ELP2: variants seen among roughly 807,000 people sequenced by gnomAD.
ELP2 encodes the protein elongator complex protein 2.
Under a neutral mutation model 119.2 loss-of-function variants are expected in ELP2, and 90 were observed. That is an observed-to-expected ratio of 0.75 (90% CI 0.64 to 0.90). The LOEUF (loss-of-function observed/expected upper bound fraction) is 0.90. Among genes scored for constraint, ELP2 ranks in the 40% least tolerant of loss-of-function variants. ELP2 has a pLI of 0.00. For missense variants in ELP2, 921 were observed against 967.8 expected, an observed-to-expected ratio of 0.95 and a Z score of 0.64; for synonymous variants, 339 against 331.0, an observed-to-expected ratio of 1.02 and a Z score of -0.26.
At chr18:36,153,336 C>T (rs1380702889) in intron 11 of ELP2, among the ~76,000 whole-genome samples, 1 of 152,156 alleles carries the variant, frequency 6.6e-6, no homozygotes, top group African/African-American at 2.4e-5. Context: ...TTCCTCATTC[C>T]CCACCCTTTT....
intron 3 of ELP2, chr18:36,137,990 C>G (rs530045127): frequency 5.3e-6 from 2 of 378,844 alleles, no homozygotes; most frequent in South Asian, 4.9e-5. Flanking sequence ...TAATGAAAAT[C>G]ACACTAATCC....
intron 21 of ELP2, among the ~76,000 whole-genome samples, chr18:36,172,258 GT>G (rs1039350943): frequency 2.6e-5 from 4 of 152,030 alleles, no homozygotes; most frequent in African/African-American, 9.7e-5. Context: ...GTGAGAGCCT[GT>G]CCCCCCCAAA....
At chr18:36,165,647 C>T (rs908479555) in intron 18 of ELP2, among the ~76,000 whole-genome samples, 11 of 152,198 alleles carry the variant, frequency 7.2e-5, no homozygotes, top group African/African-American at 1.7e-4. Flanking sequence ...TTTGGGAGGC[C>T]GAGGTGGGCG....
chr18:36,146,204 AC>A, intron 10 of ELP2, 45 bp from the exon 11 acceptor site: 1 of 1,612,486 alleles, frequency 6.2e-7, no homozygotes, highest in Non-Finnish European at 8.5e-7. Flanking sequence ...GTTGTGAGAA[AC>A]ATAGACTATT....
At chr18:36,130,242 A>G (rs2089555571) in intron 1 of ELP2, among the ~76,000 whole-genome samples, 171 bp downstream of exon 1, 1 of 151,808 alleles carries the variant, frequency 6.6e-6, no homozygotes, top group South Asian at 2.1e-4. Flanking sequence ...CTCGCTCCTC[A>G]CCCCTCACCC....
intron 18 of ELP2, 71 bp from the exon 19 acceptor site, chr18:36,167,030 A>C: frequency 6.7e-7 from 1 of 1,499,108 alleles, no homozygotes; most frequent in South Asian, 1.4e-5. Context: ...ATGGCACTTA[A>C]ACATCACTTC....
intron 5 of ELP2, chr18:36,139,898 T>C (rs117161440): frequency 0.053 from 9,140 of 171,956 alleles, 316 homozygotes; most frequent in East Asian, 0.1. Flanking sequence ...TCACTCAGGC[T>C]GGAGTGCAGT....
chr18:36,141,326 C>A, intron 6 of ELP2, 125 bp downstream of exon 6: 1 of 800,266 alleles, frequency 1.2e-6, no homozygotes, highest in Admixed American at 2.0e-5. Flanking sequence ...CCAATAGAAT[C>A]TTTTTTTGAC....
intron 8 of ELP2, 124 bp from the exon 9 acceptor site, chr18:36,144,815 A>G: frequency 1.4e-6 from 1 of 735,414 alleles, no homozygotes; most frequent in South Asian, 1.6e-5. Flanking sequence ...CTTTTTTTGA[A>G]TCCCAACTAT....
chr18:36,174,737 G>GT lies in ELP2; in HGVS notation c.*96_*97insT. On this transcript the variant is annotated 3_prime_UTR_variant, in exon 22 of 22. Transcript: ENST00000358232. ...CCTTCATAACTGAATTGAGTTTCTG[G>GT]GTTTTTTTTTTTTTTGAGATGGAGT... is the stretch of plus-strand genomic sequence containing the variant. 2 of 1,287,838 alleles carry GT rather than the reference G, an allele frequency of 1.6e-6. No homozygotes were observed. The highest frequency in any genetic ancestry group is 2.2e-6 in the Non-Finnish European group (2 of 928,538). The allele number at this position is 1,287,838 out of a possible 1,614,324, so 79.8% of individuals were successfully genotyped here. A position where few individuals can be genotyped will look rare whatever the true frequency, so the allele number is the denominator to read the frequency against.
At chr18:36,141,499 A>G in intron 6 of ELP2, 2 of 386,994 alleles carry the variant, frequency 5.2e-6, no homozygotes, top group South Asian at 4.7e-5. Context: ...GAGATATAAC[A>G]TACCTACAGT....
chr18:36,132,392 A>G (rs2089667138), intron 1 of ELP2, among the ~76,000 whole-genome samples: 1 of 152,142 alleles, frequency 6.6e-6, no homozygotes, highest in African/African-American at 2.4e-5. Flanking sequence ...AAGTACAGTA[A>G]ATTGTTTTCC....
intron 11 of ELP2, among the ~76,000 whole-genome samples, chr18:36,147,492 G>A (rs2090245181): frequency 6.6e-6 from 1 of 151,900 alleles, no homozygotes; most frequent in African/African-American, 2.4e-5. Context: ...TCGGCTCACT[G>A]CAACCTCCAC....
chr18:36,156,549 A>T lies in ELP2; in HGVS notation c.1359A>T (p.Val453=), dbSNP rs148633121. The stretch of plus-strand genomic sequence containing the variant: ...CAATGATTAATCGGTTTCAGTTTGT[A>T]TCTGGAGCAGATGAAAAAGTTCTTC... The part of the protein sequence containing the change: ...CLAMINRFQF[V]SGADEKVLRV... The change falls in exon 13 of 22, where the codon GTA becomes GTT. Residue 453 remains valine, a synonymous_variant. Transcript: ENST00000358232. 1 of 1,614,140 alleles carries T rather than the reference A, an allele frequency of 6.2e-7. No homozygotes were observed. The highest frequency in any genetic ancestry group is 8.5e-7 in the Non-Finnish European group (1 of 1,180,014).
At chr18:36,150,555 C>T (rs2144684925) in intron 11 of ELP2, among the ~76,000 whole-genome samples, 1 of 152,278 alleles carries the variant, frequency 6.6e-6, no homozygotes, top group South Asian at 2.1e-4. Flanking sequence ...AGTCCAAACC[C>T]CAGTAGTTGT....
At chr18:36,162,355 A>T (rs1296703426) in intron 17 of ELP2, among the ~76,000 whole-genome samples, 1 of 152,110 alleles carries the variant, frequency 6.6e-6, no homozygotes, top group Non-Finnish European at 1.5e-5. Flanking sequence ...TTCTTTCATC[A>T]TAATTGTTTG....
At position 36,155,017 on chromosome 18, in the gene ELP2, T is replaced by C. The variant is rs2090521921; in HGVS notation, c.1275+18T>C. Reference sequence around the variant, plus strand: ...AATCACAGGTAAAATGTCTTATTTATTTATTTATTTTTTCTTGGGACAGAG... The same window carrying C: ...AATCACAGGTAAAATGTCTTATTTACTTATTTATTTTTTCTTGGGACAGAG... On this transcript the variant is annotated intron_variant, in intron 12 of 21. Coordinates refer to ENST00000358232, the MANE Select transcript of ELP2 (RefSeq NM_018255.4). 6.3e-7 allele frequency: 1 copy of C among 1,599,848 alleles called. No individual in the cohort carries two copies. The highest frequency in any genetic ancestry group is 8.6e-7 in the Non-Finnish European group (1 of 1,168,188).
At chr18:36,164,966 G>A in intron 18 of ELP2, 1 of 361,754 alleles carries the variant, frequency 2.8e-6, no homozygotes, top group Non-Finnish European at 5.2e-6. Context: ...TTTTGCAAAT[G>A]GTGATAGAAT....
chr18:36,155,125 G>C, intron 12 of ELP2, 126 bp downstream of exon 12: 1 of 756,842 alleles, frequency 1.3e-6, no homozygotes, highest in Admixed American at 2.1e-5. Context: ...CGATTCTCCT[G>C]TCTCAGCCTC....
Sources: gnomAD v4.1 joint callset for allele counts (sites outside exome capture counted in the v4.1 genomes callset) on GRCh38, gnomAD v4.1.1 for gene constraint, MANE v1.5 for transcripts, NCBI Gene and HGNC (gene_info 2026-07-23, HGNC 2026-07-21) for gene names.